Variants in IGSF23 observed in about 807,000 individuals in gnomAD.
IGSF23 encodes immunoglobulin superfamily member 23.
Under a neutral mutation model 17.8 loss-of-function variants are expected in IGSF23, and 14 were observed. That is an observed-to-expected ratio of 0.79 (90% CI 0.52 to 1.23). The LOEUF (loss-of-function observed/expected upper bound fraction) is 1.23, where lower values mean the gene tolerates loss of function less well. Ranked by LOEUF, IGSF23 falls within the 50% of genes most tolerant of loss-of-function variation. The pLI, the probability that IGSF23 is intolerant of heterozygous loss-of-function variation, is 0.00. For synonymous variants in IGSF23, 85 were observed against 92.5 expected (o/e 0.92, Z 0.46); for missense variants, 214 against 241.7 (o/e 0.89, Z 0.76).
intron 2 of IGSF23, among the ~76,000 whole-genome samples, chr19:44,626,731 G>A (rs191764053): frequency 1.3e-5 from 2 of 152,228 alleles, no homozygotes; most frequent in East Asian, 1.9e-4. Context: ...AGTAGATGGT[G>A]AAGAAGATGG....
intron 4 of IGSF23, among the ~76,000 whole-genome samples, chr19:44,635,703 A>G (rs1338727175): frequency 4.6e-5 from 7 of 152,196 alleles, no homozygotes; most frequent in Admixed American, 4.6e-4. Flanking sequence ...TCTATATTTC[A>G]TAAACCTCTT....
At chr19:44,617,792 C>T (rs1277245143) in intron 1 of IGSF23, among the ~76,000 whole-genome samples, 4 of 152,108 alleles carry the variant, frequency 2.6e-5, no homozygotes, top group Admixed American at 6.6e-5. Flanking sequence ...GAGCTGTGGG[C>T]TGGAACAGAA....
At chr19:44,624,848 GC>G (rs999355976) in intron 2 of IGSF23, among the ~76,000 whole-genome samples, 26 of 143,516 alleles carry the variant, frequency 1.8e-4, no homozygotes, top group African/African-American at 6.4e-4. Context: ...GATCACTTGA[GC>G]CCAGGAGTTA....
At chr19:44,627,736 G>T (rs922623085) in intron 3 of IGSF23, among the ~76,000 whole-genome samples, 163 bp downstream of exon 3, 47 of 152,156 alleles carry the variant, frequency 3.1e-4, no homozygotes, top group South Asian at 2.1e-4. Context: ...TCCAAAATGG[G>T]ATCACAGCAA....
At chr19:44,635,028 A>T (rs1442461258) in intron 3 of IGSF23, among the ~76,000 whole-genome samples, 2 of 152,098 alleles carry the variant, frequency 1.3e-5, no homozygotes, top group Non-Finnish European at 2.9e-5. Flanking sequence ...AAACAACAAA[A>T]ATTTATTTTC....
chr19:44,616,750 A>G (rs77021682), intron 1 of IGSF23, among the ~76,000 whole-genome samples: 2 of 143,536 alleles, frequency 1.4e-5, no homozygotes, highest in African/African-American at 2.7e-5. Context: ...ATAAAGCTTG[A>G]AAAAAAAAAA....
At chr19:44,626,886 C>T (rs979793829) in intron 2 of IGSF23, among the ~76,000 whole-genome samples, 2 of 148,554 alleles carry the variant, frequency 1.3e-5, no homozygotes, top group Non-Finnish European at 3.0e-5. Context: ...TGTGCCACTG[C>T]ACTCCAGCCT....
intron 1 of IGSF23, among the ~76,000 whole-genome samples, chr19:44,620,522 A>G (rs1972496058): frequency 6.6e-6 from 1 of 151,764 alleles, no homozygotes; most frequent in African/African-American, 2.4e-5. Flanking sequence ...GCCCGCCACC[A>G]CGCCCGGCTA....
At chr19:44,633,033 C>A (rs58967105) in intron 3 of IGSF23, among the ~76,000 whole-genome samples, 21,471 of 152,194 alleles carry the variant, frequency 0.14, 1,761 homozygotes, top group East Asian at 0.34. Flanking sequence ...AAGTATAGGG[C>A]GTCTGGAAAA....
intron 1 of IGSF23, among the ~76,000 whole-genome samples, chr19:44,617,734 C>T (rs1406775305): frequency 6.6e-6 from 1 of 152,016 alleles, no homozygotes; most frequent in African/African-American, 2.4e-5. Context: ...CAAAGCAGAT[C>T]CCAGAACCAG....
At chr19:44,628,672 A>G (rs1184275847) in intron 3 of IGSF23, among the ~76,000 whole-genome samples, 1 of 152,162 alleles carries the variant, frequency 6.6e-6, no homozygotes, top group Non-Finnish European at 1.5e-5. Flanking sequence ...GGATCACCTG[A>G]GCCCAAGGAA....
At position 44,635,365 on chromosome 19, in the gene IGSF23, TC is replaced by T. The variant is rs762900912; in HGVS notation, c.546-35del. 185 of 1,464,606 alleles carry T rather than the reference TC, an allele frequency of 1.3e-4. 1 individual carries two copies. The highest frequency in any genetic ancestry group is 2.9e-4 in the African/African-American group (21 of 71,284). The allele number at this position is 1,464,606 out of a possible 1,614,324, so 90.7% of individuals were successfully genotyped here. A position where few individuals can be genotyped will look rare whatever the true frequency, so the allele number is the denominator to read the frequency against. ...GATTCTTATTCTCTCTCTCTCTCTC[TC>T]TCTCTCTCTGTCTCTCTCTCTCTCT... On this transcript the variant is annotated intron_variant, in intron 3 of 4. Coordinates refer to ENST00000402988, the MANE Select transcript of IGSF23 (RefSeq NM_001205280.2).
chr19:44,633,476 T>C (rs1032658242), intron 3 of IGSF23, among the ~76,000 whole-genome samples: 5 of 152,226 alleles, frequency 3.3e-5, no homozygotes, highest in Non-Finnish European at 7.3e-5. Flanking sequence ...TTAGAACTTG[T>C]GCTCCCCATT....
intron 3 of IGSF23, among the ~76,000 whole-genome samples, chr19:44,630,308 G>A (rs978044626): frequency 2.6e-5 from 4 of 152,208 alleles, no homozygotes. Flanking sequence ...TGGCAGCTCC[G>A]ATGTCCTGGC....
intron 2 of IGSF23, among the ~76,000 whole-genome samples, chr19:44,626,683 A>G (rs1220922027): frequency 6.6e-6 from 1 of 152,098 alleles, no homozygotes. Context: ...GGGTCACTTG[A>G]GGCTAGGAGT....
At chr19:44,630,359 G>A (rs1972738814) in intron 3 of IGSF23, among the ~76,000 whole-genome samples, 1 of 152,200 alleles carries the variant, frequency 6.6e-6, no homozygotes, top group Non-Finnish European at 1.5e-5. Flanking sequence ...CAACTCTCAG[G>A]GCTAGGTGCT....
chr19:44,616,695 C>CA (rs71171272), intron 1 of IGSF23, among the ~76,000 whole-genome samples: 14,492 of 83,956 alleles, frequency 0.17, 1,222 homozygotes, highest in East Asian at 0.36. Flanking sequence ...GACTCCATCT[C>CA]AAAAAAAAAA....
rs1463373827 is a variant in IGSF23 at position 44,627,686 on chromosome 19, G to T, written c.545+113G>T. ...GAAACCAACACCCCCATCAGGGAGG[G>T]TGATAGCGACTCCTGAGGAGCCCAT... is the stretch of plus-strand genomic sequence containing the variant. On this transcript the variant is annotated intron_variant, in intron 3 of 4. Transcript: ENST00000402988. 8.0e-6 allele frequency: 10 copies of T among 1,244,248 alleles called. No individual in the cohort carries two copies. In the East Asian group the frequency reaches 2.6e-4, roughly 32 times the overall value. The allele number at this position is 1,244,248 out of a possible 1,614,324, so 77.1% of individuals were successfully genotyped here.
intron 4 of IGSF23, 58 bp downstream of exon 4, chr19:44,635,523 G>C: frequency 8.3e-7 from 1 of 1,198,260 alleles, no homozygotes; most frequent in East Asian, 2.6e-5. Flanking sequence ...AGAAGTTCTT[G>C]GGCAGAGACT....
Sources: allele counts gnomAD v4.1 joint callset (sites outside exome capture counted in the v4.1 genomes callset), GRCh38; gene constraint gnomAD v4.1.1; transcripts MANE v1.5; gene names NCBI Gene and HGNC (gene_info 2026-07-23, HGNC 2026-07-21).